Variants in USP53 observed in about 807,000 individuals in gnomAD.
USP53 encodes the protein ubiquitin carboxyl-terminal hydrolase 53.
In USP53, 71 loss-of-function variants were observed where a neutral mutation model predicts 94.9. The observed-to-expected ratio is 0.75, with a 90% CI of 0.62 to 0.91. USP53 has a LOEUF of 0.91. USP53 is among the 40% of genes least tolerant of loss of function. The pLI is 0.00. For missense variants in USP53, 1,173 were observed against 1,281.0 expected (o/e 0.92, Z 1.29); for synonymous variants, 375 against 422.7 (o/e 0.89, Z 1.39).
At chr4:119,287,984 T>C (rs900687776) in intron 17 of USP53, among the ~76,000 whole-genome samples, 2 of 152,170 alleles carry the variant, frequency 1.3e-5, no homozygotes, top group Non-Finnish European at 2.9e-5. Context: ...CACAGAACAG[T>C]TGTGACTGAT....
intron 9 of USP53, among the ~76,000 whole-genome samples, chr4:119,257,702 T>C (rs1749959041): frequency 6.6e-6 from 1 of 152,178 alleles, no homozygotes. Context: ...TAATAACAAT[T>C]TCGTTATTTG....
At chr4:119,236,345 C>T (rs139197223) in intron 4 of USP53, among the ~76,000 whole-genome samples, 8 of 152,298 alleles carry the variant, frequency 5.3e-5, no homozygotes, top group Non-Finnish European at 1.2e-4. Flanking sequence ...TAGAGGGTCT[C>T]GCCTTGATGT....
In USP53 at chr4:119,291,199, C is replaced by CT; in HGVS notation, c.2287dup (p.Tyr763LeufsTer2). 1 of 1,516,964 alleles carries CT rather than the reference C, an allele frequency of 6.6e-7. No homozygotes were observed. The highest frequency in any genetic ancestry group is 8.9e-7 in the Non-Finnish European group (1 of 1,124,536). 94.0% of individuals were successfully genotyped at this position (1,516,964 alleles called of 1,614,324 possible). On this transcript the variant is annotated frameshift_variant, in exon 18 of 19. Coordinates refer to ENST00000692078, the MANE Select transcript of USP53 (RefSeq NM_001371395.1). LOFTEE classifies it high-confidence loss of function. ...AAGAACTCAGGAATTTGGAAGCAGG[C>CT]TATAAATCTCATGAATTCCACCCAG...
chr4:119,230,599 G>C (rs1281290367), intron 3 of USP53, among the ~76,000 whole-genome samples: 2 of 152,212 alleles, frequency 1.3e-5, no homozygotes, highest in Non-Finnish European at 2.9e-5. Flanking sequence ...TTCCTATCAA[G>C]ATAGCCATTC....
intron 12 of USP53, among the ~76,000 whole-genome samples, chr4:119,262,237 G>A (rs1415729984): frequency 6.6e-6 from 1 of 152,140 alleles, no homozygotes; most frequent in Non-Finnish European, 1.5e-5. Context: ...ATGAAAATAT[G>A]CTTGCCTTTA....
intron 3 of USP53, chr4:119,219,897 A>T (rs1744271602): frequency 6.6e-6 from 1 of 152,092 alleles, no homozygotes; most frequent in Non-Finnish European, 1.5e-5. Context: ...GCAGTGACTT[A>T]TTTCCTTTCT....
chr4:119,256,607 A>T, intron 9 of USP53, 84 bp downstream of exon 9: 1 of 1,377,742 alleles, frequency 7.3e-7, no homozygotes, highest in Non-Finnish European at 1.0e-6. Context: ...AAATCATAGC[A>T]TACATGAATT....
intron 17 of USP53, among the ~76,000 whole-genome samples, chr4:119,283,864 AT>A (rs1340323530): frequency 2.6e-5 from 4 of 151,962 alleles, no homozygotes; most frequent in Admixed American, 2.6e-4. Flanking sequence ...TATATATTTA[AT>A]AACCATCCAC....
At chr4:119,254,597 T>C (rs911844096) in intron 7 of USP53, among the ~76,000 whole-genome samples, 11 of 152,228 alleles carry the variant, frequency 7.2e-5, no homozygotes, top group African/African-American at 2.2e-4. Flanking sequence ...TTCTCTACAC[T>C]GTTTATTCTA....
intron 3 of USP53, among the ~76,000 whole-genome samples, chr4:119,226,928 G>T (rs1293870859): frequency 6.6e-6 from 1 of 152,074 alleles, no homozygotes; most frequent in African/African-American, 2.4e-5. Context: ...CTACCTTCCA[G>T]GCTCACTCGA....
chr4:119,287,224 G>A (rs971990380), intron 17 of USP53, among the ~76,000 whole-genome samples: 2 of 151,808 alleles, frequency 1.3e-5, no homozygotes, highest in South Asian at 2.1e-4. Flanking sequence ...TTAAAGGCAC[G>A]TATATAATCA....
chr4:119,249,053 G>C (rs990064487), intron 7 of USP53, among the ~76,000 whole-genome samples, 171 bp downstream of exon 7: 2 of 152,158 alleles, frequency 1.3e-5, no homozygotes, highest in African/African-American at 4.8e-5. Flanking sequence ...ATCCATCTGT[G>C]TTTTGTGTTG....
At chr4:119,279,666 A>G (rs11733606) in intron 17 of USP53, among the ~76,000 whole-genome samples, 15,911 of 152,030 alleles carry the variant, frequency 0.1, 931 homozygotes, top group Non-Finnish European at 0.13. Flanking sequence ...TTACCTAAGC[A>G]AGCCTGGGCA....
chr4:119,285,367 G>C (rs1344019028), intron 17 of USP53, among the ~76,000 whole-genome samples: 2 of 151,856 alleles, frequency 1.3e-5, no homozygotes, highest in African/African-American at 4.8e-5. Flanking sequence ...ATATGTAACA[G>C]ATCACAAAAG....
Position 119,240,821 on chromosome 4 carries a change from G to A in USP53, c.144+918G>A, listed in dbSNP as rs78672968. 6.9e-3 allele frequency among the ~76,000 whole-genome samples: 1,057 copies of A among 152,230 alleles called. 19 individuals are homozygous for A. The highest frequency in any genetic ancestry group is 0.06 in the East Asian group (310 of 5,172). On this transcript the variant is annotated intron_variant, in intron 5 of 18. Transcript: ENST00000692078. ...TTGAACGTTCTCTAACTCACCCAGC[G>A]AAAGAGAAGCAGTTGGTATTAAGAA...
At chr4:119,285,943 T>G (rs1021755033) in intron 17 of USP53, among the ~76,000 whole-genome samples, 2 of 151,922 alleles carry the variant, frequency 1.3e-5, no homozygotes, top group Non-Finnish European at 2.9e-5. Flanking sequence ...AATAGCAATA[T>G]TTGCTTTTCC....
At chr4:119,264,243 TA>T (rs1750848908) in intron 12 of USP53, among the ~76,000 whole-genome samples, 1 of 152,058 alleles carries the variant, frequency 6.6e-6, no homozygotes, top group East Asian at 1.9e-4. Flanking sequence ...GAAAAATTAA[TA>T]AAAACAGACC....
chr4:119,225,638 CA>C (rs1745135646), intron 3 of USP53, among the ~76,000 whole-genome samples: 1 of 151,930 alleles, frequency 6.6e-6, no homozygotes, highest in Admixed American at 6.6e-5. Context: ...CCCAGCTGCT[CA>C]GGAGGCTGAG....
chr4:119,259,365 TC>T (rs1478795321), intron 9 of USP53, among the ~76,000 whole-genome samples: 2 of 152,068 alleles, frequency 1.3e-5, no homozygotes, highest in East Asian at 3.9e-4. Flanking sequence ...GGTTGTGACT[TC>T]TGCATTTAAT....
Sources: allele counts gnomAD v4.1 joint callset (sites outside exome capture counted in the v4.1 genomes callset), GRCh38; gene constraint gnomAD v4.1.1; transcripts MANE v1.5; gene names NCBI Gene and HGNC (gene_info 2026-07-23, HGNC 2026-07-21).